The following ATP8A2 variants were observed in gnomAD, a reference collection of about 807,000 sequenced individuals.
ATP8A2 encodes the protein ATPase phospholipid transporting 8A2.
In ATP8A2, 100 loss-of-function variants were observed where a neutral mutation model predicts 165.6. The ratio of observed to expected loss-of-function variants is 0.60; its 90% confidence interval spans 0.51 to 0.71. The LOEUF is 0.71. Ranked by LOEUF, ATP8A2 falls within the 30% of genes least tolerant of loss-of-function variation. The probability of loss-of-function intolerance (pLI) is 0.00; values close to 1 mark genes in which losing one functional copy is unlikely to be tolerated. For synonymous variants in ATP8A2, 543 were observed against 548.8 expected, an observed-to-expected ratio of 0.99 and a Z score of 0.15; for missense variants, 1,227 against 1,479.5, an observed-to-expected ratio of 0.83 and a Z score of 2.80.
At chr13:25,830,966 T>G (rs974319641) in intron 28 of ATP8A2, among the ~76,000 whole-genome samples, 1 of 152,194 alleles carries the variant, frequency 6.6e-6, no homozygotes, top group Non-Finnish European at 1.5e-5. Flanking sequence ...ATATTCCAGT[T>G]TTGCTATTCT....
chr13:25,933,864 T>C (rs1445222834), intron 33 of ATP8A2, among the ~76,000 whole-genome samples: 1 of 152,160 alleles, frequency 6.6e-6, no homozygotes, highest in African/African-American at 2.4e-5. Flanking sequence ...CCTCTGAAAA[T>C]GGAACTCAGA....
chr13:25,715,805 T>C (rs2043243945), intron 25 of ATP8A2, among the ~76,000 whole-genome samples: 1 of 152,224 alleles, frequency 6.6e-6, no homozygotes, highest in Non-Finnish European at 1.5e-5. Flanking sequence ...TTCATTTCTC[T>C]TGGGTATATA....
At chr13:25,712,972 T>C (rs931911451) in intron 25 of ATP8A2, among the ~76,000 whole-genome samples, 2 of 152,238 alleles carry the variant, frequency 1.3e-5, no homozygotes, top group African/African-American at 4.8e-5. Flanking sequence ...CTCATGGAAC[T>C]AAAACCCTGT....
chr13:25,454,235 C>G (rs2035303558), intron 1 of ATP8A2, among the ~76,000 whole-genome samples: 1 of 152,148 alleles, frequency 6.6e-6, no homozygotes, highest in Non-Finnish European at 1.5e-5. Flanking sequence ...ACTTGCTTTG[C>G]CATCGGCATG....
chr13:25,995,487 G>C (rs974497810), intron 35 of ATP8A2, among the ~76,000 whole-genome samples: 1 of 151,456 alleles, frequency 6.6e-6, no homozygotes, highest in Non-Finnish European at 1.5e-5. Flanking sequence ...ACCACAAATT[G>C]TAATGTATTT....
chr13:25,850,940 A>G (rs1027161677), intron 30 of ATP8A2, among the ~76,000 whole-genome samples: 2 of 152,176 alleles, frequency 1.3e-5, no homozygotes, highest in Non-Finnish European at 2.9e-5. Flanking sequence ...AAACAGAACC[A>G]TCTAGTCCCC....
At chr13:25,550,398 A>G (rs1456946454) in intron 10 of ATP8A2, among the ~76,000 whole-genome samples, 2 of 152,200 alleles carry the variant, frequency 1.3e-5, no homozygotes, top group Non-Finnish European at 2.9e-5. Context: ...TTTGCCCACC[A>G]TAAGTACCTT....
chr13:25,485,834 C>T (rs1392729760), intron 2 of ATP8A2, among the ~76,000 whole-genome samples: 3 of 152,090 alleles, frequency 2.0e-5, no homozygotes, highest in Non-Finnish European at 4.4e-5. Context: ...CAGGACTGCC[C>T]CAGGGAGCAT....
At chr13:25,906,598 G>T (rs189691970) in intron 33 of ATP8A2, among the ~76,000 whole-genome samples, 1 of 151,778 alleles carries the variant, frequency 6.6e-6, no homozygotes, top group Non-Finnish European at 1.5e-5. Flanking sequence ...CCCTCTTGCC[G>T]TATATCTCCT....
rs371456534 is a variant in ATP8A2, at chr13:25,862,407, A to T, written c.3182A>T (p.Gln1061Leu). The T allele has an allele frequency of 2.8e-5, 45 of 1,609,356 alleles. No homozygotes were observed. Among genetic ancestry groups the T allele is most frequent in the Non-Finnish European group, 3.4e-5 (40 of 1,175,876 alleles). ...CCCATTGCTCCAGATATGAGAGGAC[A>T]GGTAAGTACTCCTGATTGGGAGTGT... is the stretch of plus-strand genomic sequence containing the variant. ...TIPIAPDMRG[Q>L]ATMVLSSAHF... Residue 1061 changes from glutamine to leucine, a missense_variant and splice_region_variant, in exon 33 of 37, where the codon CAG becomes CTG. By Grantham distance (113) the Gln-to-Leu change is moderately radical (BLOSUM62 -2). This residue lies in a region of ATP8A2 where 260 missense variants were observed against 245.1 expected (regional missense o/e 1.06). Coordinates refer to ENST00000381655, the MANE Select transcript of ATP8A2 (RefSeq NM_016529.6).
chr13:25,432,370 A>G (rs1343304584), intron 1 of ATP8A2, among the ~76,000 whole-genome samples: 1 of 152,194 alleles, frequency 6.6e-6, no homozygotes, highest in Non-Finnish European at 1.5e-5. Flanking sequence ...GTGCTCCCCT[A>G]GGGAATAGGA....
chr13:25,769,001 C>T (rs760680564), intron 25 of ATP8A2, 45 bp from the exon 26 acceptor site: 1 of 1,576,006 alleles, frequency 6.3e-7, no homozygotes, highest in South Asian at 1.1e-5. Flanking sequence ...GCTGTTTCCT[C>T]TGGAAAGACA....
intron 30 of ATP8A2, among the ~76,000 whole-genome samples, chr13:25,845,804 G>A (rs544883591): frequency 6.6e-6 from 1 of 152,182 alleles, no homozygotes; most frequent in South Asian, 2.1e-4. Context: ...TTCACATTAA[G>A]CTAAATTTGG....
chr13:25,444,322 CT>C (rs796937804), intron 1 of ATP8A2, among the ~76,000 whole-genome samples: 28 of 151,354 alleles, frequency 1.8e-4, no homozygotes, highest in African/African-American at 5.8e-4. Flanking sequence ...AGGTTGCTTC[CT>C]TTTTTTTTCT....
intron 33 of ATP8A2, among the ~76,000 whole-genome samples, chr13:25,881,293 T>A (rs1018376436): frequency 1.3e-5 from 2 of 152,224 alleles, no homozygotes; most frequent in African/African-American, 4.8e-5. Flanking sequence ...CTGCTTGCAC[T>A]CTGACTTTGG....
intron 27 of ATP8A2, among the ~76,000 whole-genome samples, chr13:25,786,792 G>A (rs2045039825): frequency 7.4e-6 from 1 of 135,628 alleles, no homozygotes; most frequent in East Asian, 2.1e-4. Context: ...GTTTCACTCT[G>A]GTTGCCCAGG....
chr13:25,404,379 T>C (rs1263652571), intron 1 of ATP8A2, among the ~76,000 whole-genome samples: 1 of 152,204 alleles, frequency 6.6e-6, no homozygotes, highest in African/African-American at 2.4e-5. Flanking sequence ...GGTTAAAGGA[T>C]TTGAACTTCA....
At chr13:25,587,074 C>A (rs74041032) in intron 23 of ATP8A2, among the ~76,000 whole-genome samples, 3 of 152,092 alleles carry the variant, frequency 2.0e-5, no homozygotes, top group East Asian at 1.9e-4. Flanking sequence ...TGTTAGATTG[C>A]GAGATTAAAG....
intron 15 of ATP8A2, among the ~76,000 whole-genome samples, chr13:25,563,685 C>T (rs891471366): frequency 6.6e-6 from 1 of 152,068 alleles, no homozygotes; most frequent in African/African-American, 2.4e-5. Flanking sequence ...TGTCTTGATC[C>T]CTGGCTTCTG....
Sources: allele counts gnomAD v4.1 joint callset (sites outside exome capture counted in the v4.1 genomes callset), GRCh38; gene constraint gnomAD v4.1.1; regional missense constraint gnomAD v4.1.1; transcripts MANE v1.5; gene names NCBI Gene and HGNC (gene_info 2026-07-23, HGNC 2026-07-21).